The following ABCB1 variants were observed in gnomAD, a reference collection of about 807,000 sequenced individuals.
The protein encoded by ABCB1 is ATP binding cassette subfamily B member 1.
Under a neutral mutation model 142.0 loss-of-function variants are expected in ABCB1, and 69 were observed. The observed-to-expected ratio is 0.49, with a 90% CI of 0.40 to 0.59. The LOEUF (loss-of-function observed/expected upper bound fraction) is 0.59. Among genes scored for constraint, ABCB1 ranks in the 20% least tolerant of loss-of-function variants. ABCB1 has a pLI of 0.00. For synonymous variants in ABCB1, 532 were observed against 539.2 expected (o/e 0.99, Z 0.18); for missense variants, 1,326 against 1,554.7 (o/e 0.85, Z 2.47).
chr7:87,650,457 G>A (rs1481123599), intron 1 of ABCB1, among the ~76,000 whole-genome samples: 1 of 152,052 alleles, frequency 6.6e-6, no homozygotes, highest in Non-Finnish European at 1.5e-5. Flanking sequence ...AGGCAAACAA[G>A]CTCCCTCAGG....
chr7:87,689,311 G>A (rs149408635), intron 1 of ABCB1, among the ~76,000 whole-genome samples: 3 of 152,028 alleles, frequency 2.0e-5, no homozygotes, highest in Non-Finnish European at 4.4e-5. Flanking sequence ...TCTGTTTATA[G>A]CCCTTTGAGT....
At chr7:87,569,455 C>G (rs1817943285) in intron 5 of ABCB1, among the ~76,000 whole-genome samples, 1 of 151,600 alleles carries the variant, frequency 6.6e-6, no homozygotes, top group African/African-American at 2.4e-5. Context: ...ATAAGCTGTT[C>G]TGGAGAATAA....
chr7:87,626,101 G>A (rs61117458), intron 1 of ABCB1, among the ~76,000 whole-genome samples: 2 of 93,622 alleles, frequency 2.1e-5, no homozygotes, highest in African/African-American at 1.2e-4. Context: ...TATATATATT[G>A]TCATATATAT....
chr7:87,626,312 G>A (rs3926352), intron 1 of ABCB1, among the ~76,000 whole-genome samples: 1,937 of 6,926 alleles, frequency 0.28, 605 homozygotes, highest in East Asian at 0.67. Flanking sequence ...TATATGTGTC[G>A]TATATGTGTC....
Position 87,516,499 on chromosome 7 carries a change from T to C in ABCB1, c.3084+10A>G, listed in dbSNP as rs1208243350. On this transcript the variant is annotated intron_variant, in intron 24 of 27. Coordinates refer to ENST00000622132, the MANE Select transcript of ABCB1 (RefSeq NM_001348946.2). Reference sequence around the variant, plus strand: ...AGGAGTAGATCAAACAGTTGAAACATCAAACTCACCGGCATTAGGCCTTCC... The same window carrying C: ...AGGAGTAGATCAAACAGTTGAAACACCAAACTCACCGGCATTAGGCCTTCC... The C allele has an allele frequency of 1.9e-6, 3 of 1,614,142 alleles. No homozygotes were observed. Among genetic ancestry groups the C allele is most frequent in the Non-Finnish European group, 2.5e-6 (3 of 1,180,010 alleles).
intron 25 of ABCB1, among the ~76,000 whole-genome samples, chr7:87,509,704 T>C (rs1014679942): frequency 1.3e-5 from 2 of 152,220 alleles, no homozygotes; most frequent in Admixed American, 1.3e-4. Context: ...TTCTGATGTA[T>C]GCATGTGGTA....
chr7:87,606,864 C>A (rs1214737694), intron 1 of ABCB1, among the ~76,000 whole-genome samples: 1 of 151,946 alleles, frequency 6.6e-6, no homozygotes. Flanking sequence ...GATGAGAATG[C>A]ATTTTCAGAA....
At chr7:87,596,287 T>C (rs1422393139) in intron 2 of ABCB1, among the ~76,000 whole-genome samples, 1 of 152,040 alleles carries the variant, frequency 6.6e-6, no homozygotes, top group Admixed American at 6.6e-5. Flanking sequence ...CTTCCCTTTC[T>C]AGTGAAGAGA....
chr7:87,689,177 AT>A (rs1057462964), intron 1 of ABCB1, among the ~76,000 whole-genome samples: 153 of 152,168 alleles, frequency 1.0e-3, no homozygotes, highest in African/African-American at 3.2e-3. Flanking sequence ...ATTATCTGAG[AT>A]TTTTTTGAAT....
In ABCB1 at chr7:87,509,440, C is replaced by T. The variant is rs2117068879; in HGVS notation, c.3324G>A (p.Trp1108Ter). The T allele has an allele frequency of 1.2e-6, 2 of 1,614,178 alleles. No individual in the cohort carries two copies. The highest frequency in any genetic ancestry group is 1.7e-6 in the Non-Finnish European group (2 of 1,180,016). The change falls in exon 26 of 28, where the codon TGG (tryptophan) becomes TGA (stop). Residue 1108 changes from tryptophan (W) to a stop codon, truncating the protein, a stop_gained. Coordinates refer to ENST00000622132, the MANE Select transcript of ABCB1 (RefSeq NM_001348946.2). LOFTEE classifies it high-confidence loss of function. The stretch of plus-strand genomic sequence containing the variant: ...ACACGATGCCCAGGTGTGCTCGGAG[C>T]CACTGAACATTCAGTCGCTTTATTT... ...GKEIKRLNVQWLRAHLGIVSQ... is the reference protein window; with the variant it reads ...GKEIKRLNVQ
At chr7:87,508,446 T>G (rs549991990) in intron 26 of ABCB1, among the ~76,000 whole-genome samples, 1 of 152,240 alleles carries the variant, frequency 6.6e-6, no homozygotes, top group African/African-American at 2.4e-5. Context: ...CCAAGTATTT[T>G]GGACAAGGAA....
upstream of ABCB1, chr7:87,600,924 T>C (rs1819429078): frequency 6.6e-6 from 1 of 152,342 alleles, no homozygotes; most frequent in African/African-American, 2.4e-5. Flanking sequence ...GAAGCGGCTG[T>C]GCTCAGCCCA....
intron 21 of ABCB1, among the ~76,000 whole-genome samples, chr7:87,524,690 C>A (rs552807737): frequency 1.3e-5 from 2 of 151,468 alleles, no homozygotes; most frequent in Non-Finnish European, 2.9e-5. Flanking sequence ...ACATATGTAA[C>A]TAACCTGCAC....
At chr7:87,628,915 T>C (rs1584941062) in intron 1 of ABCB1, 1 of 1,309,240 alleles carries the variant, frequency 7.6e-7, no homozygotes, top group Non-Finnish European at 9.8e-7. Flanking sequence ...AATGCTGCGG[T>C]GGAGAGGAGG....
intron 1 of ABCB1, among the ~76,000 whole-genome samples, chr7:87,702,172 AC>A (rs1291857651): frequency 4.2e-4 from 62 of 147,700 alleles, no homozygotes; most frequent in Non-Finnish European, 6.9e-4. Context: ...AAAAAAAAAA[AC>A]AGAGATACTT....
At chr7:87,585,701 A>G (rs1286689208) in intron 3 of ABCB1, 21 bp from the exon 4 acceptor site, 8 of 1,611,184 alleles carry the variant, frequency 5.0e-6, no homozygotes, top group Non-Finnish European at 6.8e-6. Context: ...AGAAAAAAGA[A>G]TAGCAGAGGA....
At chr7:87,666,858 TGTACCA>T (rs1441853602) in intron 1 of ABCB1, among the ~76,000 whole-genome samples, 1 of 152,116 alleles carries the variant, frequency 6.6e-6, no homozygotes, top group East Asian at 1.9e-4. Context: ...TGCCTGTTTT[TGTACCA>T]GTACCATGCT....
intron 10 of ABCB1, 28 bp from the exon 11 acceptor site, chr7:87,550,606 A>C: frequency 6.2e-7 from 1 of 1,600,030 alleles, no homozygotes; most frequent in Non-Finnish European, 8.6e-7. Context: ...TTAAGAGATT[A>C]CTAGGTTACA....
intron 21 of ABCB1, among the ~76,000 whole-genome samples, chr7:87,523,999 G>C (rs1563033859): frequency 1.3e-5 from 2 of 152,110 alleles, no homozygotes. Context: ...TTCTAATAAA[G>C]ACACATTTAA....
Sources: gnomAD v4.1 joint callset for allele counts (sites outside exome capture counted in the v4.1 genomes callset) on GRCh38, gnomAD v4.1.1 for gene constraint, MANE v1.5 for transcripts, NCBI Gene and HGNC (gene_info 2026-07-23, HGNC 2026-07-21) for gene names.